The following AGMO variants were observed in gnomAD, a reference collection of about 807,000 sequenced individuals.
AGMO encodes alkylglycerol monooxygenase.
AGMO carries 75 observed loss-of-function variants against 60.2 expected under a neutral mutation model. The observed-to-expected ratio is 1.25, with a 90% CI of 1.03 to 1.51. The LOEUF is 1.51. Ranked by LOEUF, AGMO falls within the 40% of genes most tolerant of loss-of-function variation. The probability of loss-of-function intolerance (pLI) is 0.00; values close to 1 mark genes in which losing one functional copy is unlikely to be tolerated. For synonymous variants in AGMO, 261 were observed against 177.1 expected, an observed-to-expected ratio of 1.47 and a Z score of -3.76; for missense variants, 763 against 525.5, an observed-to-expected ratio of 1.45 and a Z score of -4.42.
chr7:15,158,579 C>G, the AGMO span, among the ~76,000 whole-genome samples: 1 of 152,160 alleles, frequency 6.6e-6, no homozygotes, highest in Admixed American at 6.5e-5. Context: ...AGCATTCATG[C>G]AAAGGAAATA....
At chr7:15,218,310 T>C (rs1435559436) in intron 12 of AGMO, among the ~76,000 whole-genome samples, 1 of 147,638 alleles carries the variant, frequency 6.8e-6, no homozygotes, top group Non-Finnish European at 1.5e-5. Flanking sequence ...TAATACTATA[T>C]TGACTATGGT....
At chr7:15,135,136 G>C in the AGMO span, among the ~76,000 whole-genome samples, 3 of 148,702 alleles carry the variant, frequency 2.0e-5, no homozygotes, top group African/African-American at 7.4e-5. Context: ...CAATAACATA[G>C]CTAATCAAAA....
At chr7:15,302,280 G>A (rs984040677) in intron 12 of AGMO, among the ~76,000 whole-genome samples, 2 of 152,182 alleles carry the variant, frequency 1.3e-5, no homozygotes, top group South Asian at 4.1e-4. Flanking sequence ...GAAAAAATGT[G>A]TCACATCATG....
At chr7:15,426,200 C>A (rs551508166) in intron 4 of AGMO, among the ~76,000 whole-genome samples, 167 of 152,200 alleles carry the variant, frequency 1.1e-3, no homozygotes, top group Non-Finnish European at 2.1e-3. Flanking sequence ...GTTAATTTAG[C>A]AAAAATATTT....
chr7:15,354,299 T>C (rs1439066413), intron 12 of AGMO, among the ~76,000 whole-genome samples: 2 of 87,826 alleles, frequency 2.3e-5, no homozygotes, highest in Non-Finnish European at 4.2e-5. Context: ...GATAAATATA[T>C]ATACGTGTAT....
At chr7:15,522,742 C>G (rs1452042924) in intron 3 of AGMO, among the ~76,000 whole-genome samples, 3 of 151,978 alleles carry the variant, frequency 2.0e-5, no homozygotes, top group Non-Finnish European at 4.4e-5. Flanking sequence ...CCATAAAAAC[C>G]CTAGAAGAAA....
At chr7:15,215,405 C>T (rs541093336) in intron 12 of AGMO, among the ~76,000 whole-genome samples, 4 of 151,772 alleles carry the variant, frequency 2.6e-5, no homozygotes, top group African/African-American at 9.7e-5. Flanking sequence ...TTACCAGGTC[C>T]CCCAAAGACC....
chr7:15,505,310 G>A (rs1304789735), intron 3 of AGMO, among the ~76,000 whole-genome samples: 16 of 151,894 alleles, frequency 1.1e-4, no homozygotes, highest in Non-Finnish European at 4.4e-5. Context: ...TATAGATGAT[G>A]GGCCATATAG....
chr7:15,373,129 T>A (rs1014480383), intron 10 of AGMO, among the ~76,000 whole-genome samples: 1 of 151,864 alleles, frequency 6.6e-6, no homozygotes, highest in Non-Finnish European at 1.5e-5. Context: ...ACAAAAATTA[T>A]CTGGGCATGG....
chr7:15,193,588 A>G, the AGMO span, among the ~76,000 whole-genome samples: 3 of 152,136 alleles, frequency 2.0e-5, no homozygotes, highest in African/African-American at 4.8e-5. Context: ...TCCTAGTTTA[A>G]TAGGGATCAA....
At chr7:15,551,134 C>T (rs1213920160) in intron 2 of AGMO, among the ~76,000 whole-genome samples, 2 of 152,190 alleles carry the variant, frequency 1.3e-5, no homozygotes, top group Non-Finnish European at 2.9e-5. Flanking sequence ...ATGCTAAAAG[C>T]TCTCAATAAA....
Position 15,248,223 on chromosome 7 carries a change from T to TATATATATATATA in AGMO, c.1264-46865_1264-46864insTATATATATATAT, listed in dbSNP as rs71004372. Among the ~76,000 whole-genome samples, 92 of 111,978 alleles carry TATATATATATATA rather than the reference T, an allele frequency of 8.2e-4. 2 individuals carry two copies. Among genetic ancestry groups the TATATATATATATA allele is most frequent in the Non-Finnish European group, 1.4e-3 (76 of 52,902 alleles). 73.5% of individuals were successfully genotyped at this position (111,978 alleles called of 152,430 possible). On this transcript the variant is annotated intron_variant, in intron 12 of 12. Coordinates refer to ENST00000342526, the MANE Select transcript of AGMO (RefSeq NM_001004320.2). ...ATATATATATATATATATATATATA[T>TATATATATATATA]ATCTTCATCTTCAATTCTAGTCTAA... is the stretch of plus-strand genomic sequence containing the variant.
intron 12 of AGMO, among the ~76,000 whole-genome samples, chr7:15,271,675 T>C (rs560525489): frequency 5.3e-5 from 8 of 152,288 alleles, no homozygotes; most frequent in South Asian, 4.1e-4. Flanking sequence ...ACTTGCCTGA[T>C]TGCTATAGCT....
chr7:15,363,932 ATTT>A (rs1161272813), intron 12 of AGMO, among the ~76,000 whole-genome samples: 3 of 151,812 alleles, frequency 2.0e-5, no homozygotes, highest in Non-Finnish European at 4.4e-5. Context: ...TGATTTTATG[ATTT>A]TTTTCAGCAT....
intron 12 of AGMO, among the ~76,000 whole-genome samples, chr7:15,314,768 G>A (rs528543410): frequency 3.9e-5 from 6 of 152,140 alleles, no homozygotes; most frequent in African/African-American, 1.4e-4. Context: ...TTAAGCTTAT[G>A]AATCTTAAGA....
chr7:15,503,837 CT>C (rs1406845897), intron 3 of AGMO, among the ~76,000 whole-genome samples: 1 of 151,980 alleles, frequency 6.6e-6, no homozygotes, highest in Non-Finnish European at 1.5e-5. Flanking sequence ...AAACTTTTTT[CT>C]GAAATCACTG....
intron 3 of AGMO, among the ~76,000 whole-genome samples, chr7:15,499,907 GCACA>G (rs367953278): frequency 0.029 from 3,953 of 137,706 alleles, 89 homozygotes; most frequent in Non-Finnish European, 0.044. Context: ...TATGTATTAC[GCACA>G]CACACACACA....
At chr7:15,368,131 G>A (rs1350601571) in intron 10 of AGMO, among the ~76,000 whole-genome samples, 1 of 151,998 alleles carries the variant, frequency 6.6e-6, no homozygotes, top group African/African-American at 2.4e-5. Flanking sequence ...AAAAGGATTA[G>A]AATGTTTAGG....
chr7:15,159,527 A>G, the AGMO span, among the ~76,000 whole-genome samples: 28 of 152,288 alleles, frequency 1.8e-4, 2 homozygotes, highest in East Asian at 5.0e-3. Context: ...ATGTACATTT[A>G]AAAAATAATT....
Sources: gnomAD v4.1 joint callset for allele counts (sites outside exome capture counted in the v4.1 genomes callset) on GRCh38, gnomAD v4.1.1 for gene constraint, MANE v1.5 for transcripts, NCBI Gene and HGNC (gene_info 2026-07-23, HGNC 2026-07-21) for gene names.